Variants in UCK2 observed in about 807,000 individuals in gnomAD.
UCK2 encodes cytidine monophosphokinase 2.
Under a neutral mutation model 30.8 loss-of-function variants are expected in UCK2, and 6 were observed. The ratio of observed to expected loss-of-function variants is 0.19; its 90% confidence interval spans 0.11 to 0.38. The LOEUF (loss-of-function observed/expected upper bound fraction) is 0.38, where lower values mean the gene tolerates loss of function less well. UCK2 is among the 10% of genes least tolerant of loss of function. The pLI, the probability that UCK2 is intolerant of heterozygous loss-of-function variation, is 1.00. For synonymous variants in UCK2, 125 were observed against 133.6 expected (o/e 0.94, Z 0.45); for missense variants, 210 against 339.8 (o/e 0.62, Z 3.00).
intron 4 of UCK2, chr1:165,902,944 C>T (rs1647530798): frequency 2.9e-6 from 1 of 343,402 alleles, no homozygotes; most frequent in African/African-American, 2.1e-5. Context: ...CATGGACAGC[C>T]TTTTGTTTCA....
intron 1 of UCK2, among the ~76,000 whole-genome samples, chr1:165,849,280 G>A (rs1654531555): frequency 6.6e-6 from 1 of 152,176 alleles, no homozygotes; most frequent in South Asian, 2.1e-4. Flanking sequence ...GTTTACCAAT[G>A]AACTAGGTGG....
chr1:165,884,851 C>T (rs1655580428), intron 1 of UCK2, among the ~76,000 whole-genome samples: 1 of 152,228 alleles, frequency 6.6e-6, no homozygotes, highest in African/African-American at 2.4e-5. Flanking sequence ...GAGCTGTTTA[C>T]TGCCACTGGG....
chr1:165,898,332 T>A (rs529531869), intron 4 of UCK2, among the ~76,000 whole-genome samples: 1 of 152,220 alleles, frequency 6.6e-6, no homozygotes, highest in Non-Finnish European at 1.5e-5. Context: ...GATTGGTACT[T>A]CTGGGATAGT....
intron 1 of UCK2, 47 bp from the exon 2 acceptor site, chr1:165,890,157 C>T (rs774187911): frequency 6.2e-7 from 1 of 1,608,952 alleles, no homozygotes; most frequent in African/African-American, 1.3e-5. Context: ...CTCTGTACCA[C>T]ACGTGCCCTT....
chr1:165,906,430 A>G (rs367694799), intron 6 of UCK2, among the ~76,000 whole-genome samples: 3 of 152,246 alleles, frequency 2.0e-5, no homozygotes, highest in Admixed American at 6.5e-5. Context: ...TGTCACCAAG[A>G]TGGAAGTGCA....
Position 165,867,265 on chromosome 1 carries a change from A to C in UCK2, c.100-22939A>C, listed in dbSNP as rs144057439. Among the ~76,000 whole-genome samples, 427 of 152,352 alleles carry C rather than the reference A, an allele frequency of 2.8e-3. 2 individuals are homozygous for C. Among genetic ancestry groups the C allele is most frequent in the African/African-American group, 9.6e-3 (399 of 41,590 alleles). On this transcript the variant is annotated intron_variant, in intron 1 of 6. Coordinates refer to ENST00000367879, the MANE Select transcript of UCK2 (RefSeq NM_012474.5). Reference sequence around the variant, plus strand: ...TTTGCTGGTGGAGTGTCTTGCCTCGATAGTGATGCCGGAAGGCTAGGGTGG... The same window carrying C: ...TTTGCTGGTGGAGTGTCTTGCCTCGCTAGTGATGCCGGAAGGCTAGGGTGG...
intron 2 of UCK2, 53 bp from the exon 3 acceptor site, chr1:165,891,173 A>G: frequency 6.7e-7 from 1 of 1,493,480 alleles, no homozygotes; most frequent in Middle Eastern, 1.7e-4. Context: ...GTATGATTAT[A>G]GGAGATCCTA....
intron 1 of UCK2, among the ~76,000 whole-genome samples, chr1:165,852,443 G>T (rs536922733): frequency 2.0e-5 from 3 of 152,158 alleles, no homozygotes; most frequent in Admixed American, 6.6e-5. Context: ...AGACATTTAC[G>T]TGGCCAACAA....
rs193275071 is a variant in UCK2 at position 165,836,829 on chromosome 1, A to G, written c.99+8897A>G. On this transcript the variant is annotated intron_variant, in intron 1 of 6. Coordinates refer to ENST00000367879, the MANE Select transcript of UCK2 (RefSeq NM_012474.5). ...GTCTTAGTCTGTTTTGTACTGCTAT[A>G]GCAGAATACCTGATAATGAACAGAA... Among the ~76,000 whole-genome samples the G allele has an allele frequency of 2.0e-5, 3 of 152,346 alleles. No individual in the cohort carries two copies. The East Asian group carries it at 5.8e-4, about 29-fold the overall frequency.
At chr1:165,886,871 A>G (rs1199052133) in intron 1 of UCK2, among the ~76,000 whole-genome samples, 3 of 152,230 alleles carry the variant, frequency 2.0e-5, no homozygotes, top group Non-Finnish European at 2.9e-5. Flanking sequence ...TGTCAGCCAG[A>G]TTCAACAGTT....
At chr1:165,830,149 G>A (rs2101845491) in intron 1 of UCK2, among the ~76,000 whole-genome samples, 1 of 151,976 alleles carries the variant, frequency 6.6e-6, no homozygotes, top group South Asian at 2.1e-4. Context: ...GAGACTACAG[G>A]CTTGCACCAT....
intron 1 of UCK2, among the ~76,000 whole-genome samples, chr1:165,876,414 A>ACATGC (rs1263634916): frequency 6.6e-6 from 1 of 152,222 alleles, no homozygotes; most frequent in African/African-American, 2.4e-5. Flanking sequence ...GATTAGGTAG[A>ACATGC]CATGCCTATA....
intron 1 of UCK2, among the ~76,000 whole-genome samples, chr1:165,876,687 A>G (rs183470701): frequency 3.3e-5 from 5 of 152,370 alleles, no homozygotes; most frequent in Non-Finnish European, 5.9e-5. Context: ...AATTACTACA[A>G]TCTTGATGAC....
intron 3 of UCK2, chr1:165,894,504 G>A (rs1257085605): frequency 1.3e-5 from 2 of 152,064 alleles, no homozygotes; most frequent in African/African-American, 4.8e-5. Flanking sequence ...AATATCTTGG[G>A]AGCTTCTAAA....
At chr1:165,889,311 C>G (rs549552134) in intron 1 of UCK2, among the ~76,000 whole-genome samples, 1 of 152,340 alleles carries the variant, frequency 6.6e-6, no homozygotes, top group East Asian at 1.9e-4. Flanking sequence ...AGCTCTCTGG[C>G]CATGGTTTTT....
chr1:165,891,743 C>A, intron 3 of UCK2: 1 of 164,660 alleles, frequency 6.1e-6, no homozygotes, highest in Non-Finnish European at 1.3e-5. Context: ...TGTGGAGAGG[C>A]ATGAGGTCAC....
intron 1 of UCK2, among the ~76,000 whole-genome samples, chr1:165,859,554 C>T (rs1003587507): frequency 5.9e-5 from 9 of 152,176 alleles, no homozygotes; most frequent in African/African-American, 2.2e-4. Context: ...GGAGCTGTGG[C>T]TCACGTCTGT....
intron 4 of UCK2, among the ~76,000 whole-genome samples, chr1:165,901,889 C>G (rs927863401): frequency 1.4e-5 from 2 of 146,024 alleles, no homozygotes; most frequent in Non-Finnish European, 3.0e-5. Context: ...GCAGAAGGAT[C>G]ACTTGAGCCC....
chr1:165,898,139 C>T (rs979642883), intron 4 of UCK2: 1 of 152,178 alleles, frequency 6.6e-6, no homozygotes, highest in African/African-American at 2.4e-5. Context: ...TGCTCAGTGT[C>T]CATGTCAGCT....
Sources: allele counts gnomAD v4.1 joint callset (sites outside exome capture counted in the v4.1 genomes callset), GRCh38; gene constraint gnomAD v4.1.1; transcripts MANE v1.5; gene names NCBI Gene and HGNC (gene_info 2026-07-23, HGNC 2026-07-21).